SYNCRIP: variants seen among roughly 807,000 people sequenced by gnomAD.
SYNCRIP encodes the protein synaptotagmin binding cytoplasmic RNA interacting protein, also known as heterogeneous nuclear ribonucleoprotein Q.
A neutral mutation model predicts 68.9 loss-of-function variants in SYNCRIP; 9 were observed. The observed-to-expected ratio is 0.13, with a 90% confidence interval of 0.08 to 0.23. The LOEUF (loss-of-function observed/expected upper bound fraction) is 0.23. SYNCRIP is among the 10% of genes least tolerant of loss of function. SYNCRIP has a pLI of 1.00. For synonymous variants in SYNCRIP, 258 were observed against 254.0 expected (o/e 1.02, Z -0.15); for missense variants, 414 against 770.6 (o/e 0.54, Z 5.48).
Position 85,614,187 on chromosome 6 carries a change from G to T in SYNCRIP, c.*569C>A. 1 of 985,648 alleles carries T rather than the reference G, an allele frequency of 1.0e-6. No individual in the cohort carries two copies. Among genetic ancestry groups the T allele is most frequent in the Non-Finnish European group, 1.2e-6 (1 of 829,810 alleles). The allele number at this position is 985,648 out of a possible 1,614,324, so 61.1% of individuals were successfully genotyped here. A position where few individuals can be genotyped will look rare whatever the true frequency, so the allele number is the denominator to read the frequency against. ...ATTTGCAGGAAATTTTGTGAAAAACGAATTGTAAACACAATTTTAGTAAGT... is the reference window on the plus strand; with the variant it reads ...ATTTGCAGGAAATTTTGTGAAAAACTAATTGTAAACACAATTTTAGTAAGT... On this transcript the variant is annotated 3_prime_UTR_variant, in exon 11 of 11. Transcript: ENST00000369622.
chr6:85,627,707 T>C (rs1043863573), intron 6 of SYNCRIP, among the ~76,000 whole-genome samples: 2 of 152,186 alleles, frequency 1.3e-5, no homozygotes, highest in Admixed American at 6.5e-5. Flanking sequence ...CAAAAAGTCT[T>C]ATCTTTCCTA....
At chr6:85,621,458 A>C (rs1806388929) in intron 8 of SYNCRIP, among the ~76,000 whole-genome samples, 1 of 152,056 alleles carries the variant, frequency 6.6e-6, no homozygotes, top group Admixed American at 6.6e-5. Flanking sequence ...AAATTTTTTA[A>C]AAAAATTAGC....
chr6:85,608,477 C>T (rs1002598866), exon 12 of SYNCRIP: 1 of 151,970 alleles, frequency 6.6e-6, no homozygotes, highest in Admixed American at 6.6e-5. Flanking sequence ...AAACCCACTA[C>T]GTTGAAAAGA....
At chr6:85,618,794 T>C in intron 10 of SYNCRIP, 24 bp downstream of exon 10, 1 of 1,551,404 alleles carries the variant, frequency 6.4e-7, no homozygotes, top group South Asian at 1.2e-5. Context: ...TTATACAATT[T>C]TTAAGTATAC....
Position 85,614,161 on chromosome 6 carries a change from A to T in SYNCRIP, c.*595T>A. ...TTGACATGCTATACAATTTGAACCA[A>T]ATTTGCAGGAAATTTTGTGAAAAAC... On this transcript the variant is annotated 3_prime_UTR_variant, in exon 11 of 11. Coordinates refer to ENST00000369622, the MANE Select transcript of SYNCRIP (RefSeq NM_006372.5). 1.0e-6 allele frequency: 1 copy of T among 985,860 alleles called. No individual in the cohort carries two copies. The highest frequency in any genetic ancestry group is 1.2e-6 in the Non-Finnish European group (1 of 829,936). The allele number at this position is 985,860 out of a possible 1,614,324, so 61.1% of individuals were successfully genotyped here.
At position 85,614,147 on chromosome 6, in the gene SYNCRIP, T is replaced by C. The variant is rs1320485056; in HGVS notation, c.*609A>G. ...CCCTTTAATTGGCCTTGACATGCTA[T>C]ACAATTTGAACCAAATTTGCAGGAA... On this transcript the variant is annotated 3_prime_UTR_variant, in exon 11 of 11. Coordinates refer to ENST00000369622, the MANE Select transcript of SYNCRIP (RefSeq NM_006372.5). The C allele has an allele frequency of 5.9e-5, 58 of 985,774 alleles. No homozygotes were observed. Among genetic ancestry groups the C allele is most frequent in the Non-Finnish European group, 6.9e-5 (57 of 829,948 alleles). The allele number at this position is 985,774 out of a possible 1,614,324, so 61.1% of individuals were successfully genotyped here.
At chr6:85,636,377 T>A (rs1264114937) in intron 6 of SYNCRIP, among the ~76,000 whole-genome samples, 1 of 150,914 alleles carries the variant, frequency 6.6e-6, no homozygotes, top group Non-Finnish European at 1.5e-5. Flanking sequence ...ACCTGAGGGG[T>A]GGAGGTTGCA....
rs1809371390 is a variant in SYNCRIP at position 85,642,800 on chromosome 6, C to T, written c.-16G>A. 2 of 152,790 alleles carry T rather than the reference C, an allele frequency of 1.3e-5. 1 individual carries two copies. Among genetic ancestry groups the T allele is most frequent in the South Asian group, 4.1e-4 (2 of 4,832 alleles). The allele number at this position is 152,790 out of a possible 1,614,324, so 9.5% of individuals were successfully genotyped here. A position where few individuals can be genotyped will look rare whatever the true frequency, so the allele number is the denominator to read the frequency against. ...CCCAGGTTCTGGCAGTCGTTACCTC[C>T]CCGTTGGGCTGAGGCGGAGAAATCC... On this transcript the variant is annotated 5_prime_UTR_variant, in exon 1 of 11. Transcript: ENST00000369622.
chr6:85,639,853 T>G (rs188824585), intron 4 of SYNCRIP, among the ~76,000 whole-genome samples: 1 of 152,132 alleles, frequency 6.6e-6, no homozygotes, highest in Admixed American at 6.5e-5. Flanking sequence ...CTAAATTCAT[T>G]GGGGTTTGAG....
Position 85,615,322 on chromosome 6 carries a change from G to T in SYNCRIP, c.1306C>A (p.Pro436Thr). 1.3e-6 allele frequency: 2 copies of T among 1,538,222 alleles called. No individual in the cohort carries two copies. The highest frequency in any genetic ancestry group is 1.8e-6 in the Non-Finnish European group (2 of 1,139,026). Residue 436 changes from proline to threonine, a missense_variant, in exon 11 of 11, where the codon CCA (proline) becomes ACA (threonine). By Grantham distance (38) the Pro-to-Thr change is conservative (BLOSUM62 -1). Around this residue, in one of 6 missense-constraint regions of SYNCRIP, gnomAD observed 72 missense variants for 119.8 expected, o/e 0.60. Coordinates refer to ENST00000369622, the MANE Select transcript of SYNCRIP (RefSeq NM_006372.5). ...QMYDDYYYYG[P>T]PHMPPPTRGR... is the part of the protein sequence containing the mutation. ...CTTGTTGGAGGGGGCATATGAGGTG[G>T]ACCATAATAGTAGTAATCGTCATAC...
intron 6 of SYNCRIP, among the ~76,000 whole-genome samples, chr6:85,626,000 G>A (rs1806991507): frequency 6.6e-6 from 1 of 152,146 alleles, no homozygotes. Flanking sequence ...TCAGAAGACA[G>A]CCTGTCACAA....
At chr6:85,626,624 A>C (rs926530354) in intron 6 of SYNCRIP, among the ~76,000 whole-genome samples, 2 of 152,246 alleles carry the variant, frequency 1.3e-5, no homozygotes, top group Admixed American at 6.5e-5. Flanking sequence ...GAAATGTAGG[A>C]GGCAAAGGCA....
chr6:85,641,388 T>C lies in SYNCRIP; in HGVS notation c.52A>G (p.Thr18Ala), dbSNP rs1388668367. Reference sequence around the variant, plus strand: ...TTTTCTGAATGGATAACTGCAGAAGTAGTATCCATGGGCTCTTCAGTACCA... The same window carrying C: ...TTTTCTGAATGGATAACTGCAGAAGCAGTATCCATGGGCTCTTCAGTACCA... ...GNGTEEPMDT[T>A]SAVIHSENFQ... The change falls in exon 2 of 11, where the codon ACT (threonine) becomes GCT (alanine). Residue 18 changes from threonine to alanine, a missense_variant. Transcript: ENST00000369622. 1 of 1,613,024 alleles carries C rather than the reference T, an allele frequency of 6.2e-7. No homozygotes were observed. The highest frequency in any genetic ancestry group is 1.3e-5 in the African/African-American group (1 of 74,922).
chr6:85,626,414 TA>T (rs1202150679), intron 6 of SYNCRIP, among the ~76,000 whole-genome samples: 2 of 151,462 alleles, frequency 1.3e-5, no homozygotes, highest in Admixed American at 1.3e-4. Flanking sequence ...ACCAAGTGTG[TA>T]AAGGCAAAAA....
At chr6:85,642,349 C>A (rs1285877016) in intron 1 of SYNCRIP, among the ~76,000 whole-genome samples, 2 of 152,172 alleles carry the variant, frequency 1.3e-5, no homozygotes, top group Non-Finnish European at 2.9e-5. Flanking sequence ...CTTACCCTTC[C>A]GTGCAGTGAC....
At chr6:85,613,082 G>T (rs1262284674), downstream of SYNCRIP, among the ~76,000 whole-genome samples, 1 of 151,678 alleles carries the variant, frequency 6.6e-6, no homozygotes, top group Non-Finnish European at 1.5e-5. Flanking sequence ...ACTTCTTTTT[G>T]CTTGTTTTTT....
At chr6:85,613,477 C>T (rs971423932), downstream of SYNCRIP, among the ~76,000 whole-genome samples, 2 of 152,102 alleles carry the variant, frequency 1.3e-5, no homozygotes, top group Non-Finnish European at 1.5e-5. Flanking sequence ...TAAACCTTTT[C>T]ACTGTTGACC....
At chr6:85,634,662 G>A (rs181159804) in intron 6 of SYNCRIP, among the ~76,000 whole-genome samples, 98 of 152,184 alleles carry the variant, frequency 6.4e-4, no homozygotes, top group African/African-American at 2.2e-3. Flanking sequence ...CCACAGTAGA[G>A]AGAGCCCACT....
chr6:85,640,344 C>A lies in SYNCRIP; in HGVS notation c.268-16G>T, dbSNP rs1425298865. 1 of 1,607,208 alleles carries A rather than the reference C, an allele frequency of 6.2e-7. No homozygotes were observed. Among genetic ancestry groups the A allele is most frequent in the South Asian group, 1.1e-5 (1 of 90,264 alleles). On this transcript the variant is annotated splice_polypyrimidine_tract_variant and intron_variant, in intron 3 of 10. Coordinates refer to ENST00000369622, the MANE Select transcript of SYNCRIP (RefSeq NM_006372.5). ...CACTTTTGTTCTGCAAAAAAATGTT[C>A]CATTAATATTTAACAATAACCATAT...
Sources: allele counts gnomAD v4.1 joint callset (sites outside exome capture counted in the v4.1 genomes callset), GRCh38; gene constraint gnomAD v4.1.1; regional missense constraint gnomAD v4.1.1; transcripts MANE v1.5; gene names NCBI Gene and HGNC (gene_info 2026-07-23, HGNC 2026-07-21).